Variants in UBALD1 observed in about 807,000 individuals in gnomAD.
UBALD1 encodes UBA-like domain-containing protein 1.
A neutral mutation model predicts 16.1 loss-of-function variants in UBALD1; 5 were observed. The ratio of observed to expected loss-of-function variants is 0.31; its 90% CI spans 0.16 to 0.66. UBALD1 has a LOEUF of 0.66. Among genes scored for constraint, UBALD1 ranks in the 30% least tolerant of loss-of-function variants. The pLI, the probability that UBALD1 is intolerant of heterozygous loss-of-function variation, is 0.77. For missense variants in UBALD1, 220 were observed against 252.8 expected, an observed-to-expected ratio of 0.87 and a Z score of 0.88; for synonymous variants, 146 against 105.3, an observed-to-expected ratio of 1.39 and a Z score of -2.37.
chr16:4,611,255 C>G (rs1567147187), intron 1 of UBALD1: 1 of 152,578 alleles, frequency 6.6e-6, no homozygotes, highest in Non-Finnish European at 1.5e-5. Context: ...ACCAAGGAGA[C>G]AAGCCTGGGC....
chr16:4,610,541 G>A lies in UBALD1; in HGVS notation c.135C>T (p.Ala45=), dbSNP rs763740605. Reference sequence around the variant, plus strand: ...AGGGGATGTTGGTCTCCTGGAAAAAGGCGCTGAGGGCTGTCTGCAGGAAGA... The same window carrying A: ...AGGGGATGTTGGTCTCCTGGAAAAAAGCGCTGAGGGCTGTCTGCAGGAAGA... ...AHWQFETALS[A]FFQETNIPYS... Residue 45 remains alanine, a synonymous_variant, in exon 2 of 3, where the codon GCC becomes GCT. Transcript: ENST00000283474. 2 of 1,612,154 alleles carry A rather than the reference G, an allele frequency of 1.2e-6. No individual in the cohort carries two copies. Among genetic ancestry groups the A allele is most frequent in the Non-Finnish European group, 1.7e-6 (2 of 1,179,356 alleles).
Position 4,608,905 on chromosome 16 carries a change from C to G in UBALD1, c.*728G>C, listed in dbSNP as rs1373476948. On this transcript the variant is annotated 3_prime_UTR_variant, in exon 3 of 3. Transcript: ENST00000283474. ...GCAGTGGTTTGGAATTCGTTCTTCT[C>G]TTTTGTTAAAAGGGGGAAAGGAAGT... 1 of 152,208 alleles carries G rather than the reference C, an allele frequency of 6.6e-6. No individual in the cohort carries two copies. Among genetic ancestry groups the G allele is most frequent in the African/African-American group, 2.4e-5 (1 of 41,392 alleles). The allele number at this position is 152,208 out of a possible 1,614,324, so 9.4% of individuals were successfully genotyped here. A position where few individuals can be genotyped will look rare whatever the true frequency, so the allele number is the denominator to read the frequency against.
chr16:4,610,535 G>A lies in UBALD1; in HGVS notation c.141C>T (p.Phe47=). 1 of 1,612,490 alleles carries A rather than the reference G, an allele frequency of 6.2e-7. No individual in the cohort carries two copies. Among genetic ancestry groups the A allele is most frequent in the African/African-American group, 1.3e-5 (1 of 75,012 alleles). ...WQFETALSAF[F]QETNIPYSHH... Reference sequence around the variant, plus strand: ...GGCTGTAGGGGATGTTGGTCTCCTGGAAAAAGGCGCTGAGGGCTGTCTGCA... The same window carrying A: ...GGCTGTAGGGGATGTTGGTCTCCTGAAAAAAGGCGCTGAGGGCTGTCTGCA... The change falls in exon 2 of 3, where the codon TTC becomes TTT. Residue 47 remains phenylalanine, a synonymous_variant. Coordinates refer to ENST00000283474, the MANE Select transcript of UBALD1 (RefSeq NM_145253.3).
At chr16:4,610,986 G>A (rs908020590) in intron 1 of UBALD1, 5 of 367,966 alleles carry the variant, frequency 1.4e-5, no homozygotes, top group Non-Finnish European at 1.9e-5. Context: ...CCACCTCAAC[G>A]GGTAGCAAGT....
At chr16:4,614,599 C>G in intron 1 of UBALD1, 79 bp downstream of exon 1, 2 of 1,285,274 alleles carry the variant, frequency 1.6e-6, no homozygotes, top group Non-Finnish European at 2.0e-6. Flanking sequence ...GCGTCCACGC[C>G]GTCCGCCCCC....
At position 4,609,912 on chromosome 16, in the gene UBALD1, G is replaced by A; in HGVS notation, c.255C>T (p.Leu85=). Residue 85 remains leucine, a synonymous_variant, in exon 3 of 3, where the codon CTC becomes CTT. Transcript: ENST00000283474. ...FPDALTMFSR[L]KASESFHSGG... ...CGCTGTGGAAGCTCTCGGAGGCCTTGAGACGGGAGAACATGGTGAGAGCGT... is the reference window on the plus strand; with the variant it reads ...CGCTGTGGAAGCTCTCGGAGGCCTTAAGACGGGAGAACATGGTGAGAGCGT... 6.3e-7 allele frequency: 1 copy of A among 1,595,820 alleles called. No homozygotes were observed. The highest frequency in any genetic ancestry group is 1.1e-5 in the South Asian group (1 of 89,076).
At chr16:4,612,346 A>G (rs961576848) in intron 1 of UBALD1, among the ~76,000 whole-genome samples, 4 of 152,028 alleles carry the variant, frequency 2.6e-5, no homozygotes, top group Admixed American at 1.3e-4. Context: ...ACAGGCATGA[A>G]CCACCGTGCC....
Position 4,609,465 on chromosome 16 carries a change from C to T in UBALD1, c.*168G>A, listed in dbSNP as rs1431855146. The T allele has an allele frequency of 3.7e-5, 15 of 410,346 alleles. No homozygotes were observed. Among genetic ancestry groups the T allele is most frequent in the South Asian group, 1.2e-4 (1 of 8,456 alleles). 25.4% of individuals were successfully genotyped at this position (410,346 alleles called of 1,614,324 possible). Reference sequence around the variant, plus strand: ...CCATGACCTTGCGTGTGGGCAGCTGCGTGTTCTGGCACCAGACGTGTCCCT... The same window carrying T: ...CCATGACCTTGCGTGTGGGCAGCTGTGTGTTCTGGCACCAGACGTGTCCCT... On this transcript the variant is annotated 3_prime_UTR_variant, in exon 3 of 3. Coordinates refer to ENST00000283474, the MANE Select transcript of UBALD1 (RefSeq NM_145253.3).
At chr16:4,613,749 C>T (rs1897386118) in intron 1 of UBALD1, among the ~76,000 whole-genome samples, 1 of 152,166 alleles carries the variant, frequency 6.6e-6, no homozygotes, top group Admixed American at 6.5e-5. Context: ...CAGGTAGCCT[C>T]TGGGCAGCAC....
intron 1 of UBALD1, among the ~76,000 whole-genome samples, chr16:4,613,009 GGGTGCC>G (rs1897376720): frequency 4.3e-5 from 1 of 23,284 alleles, no homozygotes; most frequent in South Asian, 3.3e-3. Flanking sequence ...GATGTGGCCT[GGGTGCC>G]AGCTGGGTGC....
At chr16:4,614,316 CGA>C in intron 1 of UBALD1, 1 of 362,566 alleles carries the variant, frequency 2.8e-6, no homozygotes, top group Admixed American at 4.7e-5. Flanking sequence ...CCAGCTCTGC[CGA>C]GGCCTGGGGC....
At chr16:4,614,441 A>T in intron 1 of UBALD1, 3 of 509,674 alleles carry the variant, frequency 5.9e-6, no homozygotes, top group Non-Finnish European at 9.4e-6. Flanking sequence ...ATCCCGGGGG[A>T]CTCGCGGCCC....
intron 1 of UBALD1, chr16:4,610,875 G>A (rs915492388): frequency 4.1e-5 from 18 of 442,934 alleles, no homozygotes; most frequent in Non-Finnish European, 6.8e-5. Flanking sequence ...GGGGGAGGGC[G>A]GGCAGTACAC....
intron 1 of UBALD1, chr16:4,610,838 G>A: frequency 4.4e-6 from 2 of 455,818 alleles, no homozygotes; most frequent in Non-Finnish European, 7.8e-6. Flanking sequence ...CCCTCCCCCT[G>A]CACCAGCTGG....
chr16:4,609,747 C>A lies in UBALD1; in HGVS notation c.420G>T (p.Gln140His), dbSNP rs1393155041. 2.0e-6 allele frequency: 3 copies of A among 1,502,630 alleles called. No homozygotes were observed. The highest frequency in any genetic ancestry group is 1.8e-6 in the Non-Finnish European group (2 of 1,129,462). The allele number at this position is 1,502,630 out of a possible 1,614,324, so 93.1% of individuals were successfully genotyped here. A position where few individuals can be genotyped will look rare whatever the true frequency, so the allele number is the denominator to read the frequency against. ...GGGGTGTTGGAGTCCACAGGGGCGGCTGTGGCTGGTGGTGCTGTGGGCCCC... is the reference window on the plus strand; with the variant it reads ...GGGGTGTTGGAGTCCACAGGGGCGGATGTGGCTGGTGGTGCTGTGGGCCCC... ...PPGGPQHHQPQPPLWTPTPPS... is the reference protein window; with the variant it reads ...PPGGPQHHQPHPPLWTPTPPS... The change falls in exon 3 of 3, where the codon CAG becomes CAT. Residue 140 changes from glutamine to histidine, a missense_variant. Around this residue, in one of 2 missense-constraint regions of UBALD1, gnomAD observed 151 missense variants for 132.6 expected, o/e 1.14. Transcript: ENST00000283474.
rs1219833776 is a variant in UBALD1 at position 4,609,192 on chromosome 16, C to G, written c.*441G>C. ...CTGAAGAGCGACACACGTAGAAATA[C>G]ACAGACACGGCCACGCGCACACATG... is the stretch of plus-strand genomic sequence containing the variant. On this transcript the variant is annotated 3_prime_UTR_variant, in exon 3 of 3. Coordinates refer to ENST00000283474, the MANE Select transcript of UBALD1 (RefSeq NM_145253.3). 1 of 159,696 alleles carries G rather than the reference C, an allele frequency of 6.3e-6. No homozygotes were observed. Among genetic ancestry groups the G allele is most frequent in the Non-Finnish European group, 1.4e-5 (1 of 73,350 alleles). The allele number at this position is 159,696 out of a possible 1,614,324, so 9.9% of individuals were successfully genotyped here.
chr16:4,612,557 A>G (rs2141786081), intron 1 of UBALD1, among the ~76,000 whole-genome samples: 1 of 152,102 alleles, frequency 6.6e-6, no homozygotes, highest in African/African-American at 2.4e-5. Flanking sequence ...CAACCCCAGG[A>G]GCCCCAGGCC....
At chr16:4,610,598 G>A (rs201220017) in intron 1 of UBALD1, 43 bp from the exon 2 acceptor site, 176 of 1,583,050 alleles carry the variant, frequency 1.1e-4, no homozygotes, top group Non-Finnish European at 1.4e-4. Context: ...GGCCCCCGCC[G>A]GCCCTGCCGC....
chr16:4,614,838 C>G lies in UBALD1; in HGVS notation c.-41G>C. 6.9e-7 allele frequency: 1 copy of G among 1,455,844 alleles called. No homozygotes were observed. Among genetic ancestry groups the G allele is most frequent in the Non-Finnish European group, 9.1e-7 (1 of 1,102,162 alleles). The allele number at this position is 1,455,844 out of a possible 1,614,324, so 90.2% of individuals were successfully genotyped here. A position where few individuals can be genotyped will look rare whatever the true frequency, so the allele number is the denominator to read the frequency against. ...CCCGCTCCGGCCTCCCTCCTCCGCCCGCGCCTCCGCCTCACGCGTCCACCA... is the reference window on the plus strand; with the variant it reads ...CCCGCTCCGGCCTCCCTCCTCCGCCGGCGCCTCCGCCTCACGCGTCCACCA... On this transcript the variant is annotated 5_prime_UTR_variant, in exon 1 of 3. Transcript: ENST00000283474.
Sources: allele counts gnomAD v4.1 joint callset (sites outside exome capture counted in the v4.1 genomes callset), GRCh38; gene constraint gnomAD v4.1.1; regional missense constraint gnomAD v4.1.1; transcripts MANE v1.5; gene names NCBI Gene and HGNC (gene_info 2026-07-23, HGNC 2026-07-21).